Variants in RAPGEF2 observed in about 807,000 individuals in gnomAD.
RAPGEF2 encodes the protein Rap guanine nucleotide exchange factor 2, also known as PDZ domain containing guanine nucleotide exchange factor (GEF) 1.
Under a neutral mutation model 186.7 loss-of-function variants are expected in RAPGEF2, and 54 were observed. That is an observed-to-expected ratio of 0.29 (90% CI 0.23 to 0.36). The LOEUF is 0.36. RAPGEF2 is among the 10% of genes least tolerant of loss of function. RAPGEF2 has a pLI of 1.00. For missense variants in RAPGEF2, 1,532 were observed against 2,045.0 expected (o/e 0.75, Z 4.84); for synonymous variants, 712 against 705.9 (o/e 1.01, Z -0.14).
At chr4:159,339,446 A>G in intron 19 of RAPGEF2, 92 bp downstream of exon 19, 4 of 1,427,606 alleles carry the variant, frequency 2.8e-6, no homozygotes, top group Non-Finnish European at 3.8e-6. Flanking sequence ...GTGTTTTTTA[A>G]ATGAGTAAGT....
At chr4:159,146,056 A>G (rs1313132917) in intron 1 of RAPGEF2, among the ~76,000 whole-genome samples, 1 of 152,128 alleles carries the variant, frequency 6.6e-6, no homozygotes, top group Admixed American at 6.6e-5. Context: ...GCAAAAGATC[A>G]TAGAAGAAAG....
chr4:159,223,835 A>T (rs977558912), intron 4 of RAPGEF2, among the ~76,000 whole-genome samples: 8 of 152,138 alleles, frequency 5.3e-5, no homozygotes, highest in Admixed American at 2.6e-4. Context: ...AATTTTGGGA[A>T]CACAACTAAA....
At chr4:159,355,460 CACAA>C (rs1436220831) in intron 28 of RAPGEF2, among the ~76,000 whole-genome samples, 2 of 152,178 alleles carry the variant, frequency 1.3e-5, no homozygotes, top group African/African-American at 2.4e-5. Context: ...TTGTACCAAG[CACAA>C]ACAGGTTCTA....
chr4:159,328,942 G>C (rs1766301538), intron 11 of RAPGEF2: 1 of 152,018 alleles, frequency 6.6e-6, no homozygotes, highest in African/African-American at 2.4e-5. Context: ...AGCTCTAAAT[G>C]CCCTATGAAA....
intron 1 of RAPGEF2, among the ~76,000 whole-genome samples, chr4:159,164,149 C>T (rs1419320499): frequency 2.6e-5 from 4 of 151,976 alleles, no homozygotes; most frequent in East Asian, 1.9e-4. Context: ...GGACTACAGG[C>T]GCCCACCACC....
intron 7 of RAPGEF2, among the ~76,000 whole-genome samples, chr4:159,296,416 A>G (rs1386810931): frequency 1.3e-5 from 2 of 152,244 alleles, no homozygotes; most frequent in African/African-American, 4.8e-5. Flanking sequence ...TGATCTAAAT[A>G]GCCATTTGAT....
intron 1 of RAPGEF2, among the ~76,000 whole-genome samples, chr4:159,177,692 G>A (rs531109323): frequency 2.6e-5 from 4 of 152,166 alleles, no homozygotes; most frequent in Non-Finnish European, 4.4e-5. Context: ...TAACCATACC[G>A]TATCAATAAA....
chr4:159,108,084 C>T (rs1476629049), intron 1 of RAPGEF2, among the ~76,000 whole-genome samples: 2 of 152,180 alleles, frequency 1.3e-5, no homozygotes, highest in Non-Finnish European at 2.9e-5. Context: ...ATTTGAATTT[C>T]TTGGTACAGA....
intron 1 of RAPGEF2, among the ~76,000 whole-genome samples, chr4:159,150,051 G>A (rs1743368311): frequency 1.3e-5 from 2 of 151,988 alleles, no homozygotes; most frequent in South Asian, 2.1e-4. Flanking sequence ...CCAGTAGAAG[G>A]TTCACCAAGT....
intron 1 of RAPGEF2, among the ~76,000 whole-genome samples, chr4:159,142,627 CAAAG>C (rs1013731137): frequency 2.6e-5 from 4 of 150,976 alleles, no homozygotes; most frequent in South Asian, 2.1e-4. Context: ...ATGTAAATGT[CAAAG>C]AAATAAAAAT....
At chr4:159,216,019 A>G (rs909264597) in intron 4 of RAPGEF2, among the ~76,000 whole-genome samples, 1 of 152,224 alleles carries the variant, frequency 6.6e-6, no homozygotes, top group African/African-American at 2.4e-5. Context: ...CTGAAAATGT[A>G]CTGGCAGTGG....
intron 1 of RAPGEF2, among the ~76,000 whole-genome samples, chr4:159,164,462 C>T (rs556832639): frequency 1.3e-5 from 2 of 152,016 alleles, no homozygotes; most frequent in Non-Finnish European, 2.9e-5. Flanking sequence ...TAATAATAAC[C>T]TGGCTTATTA....
intron 29 of RAPGEF2, among the ~76,000 whole-genome samples, chr4:159,356,539 G>T (rs1732036507): frequency 2.0e-5 from 3 of 152,178 alleles, no homozygotes; most frequent in Admixed American, 2.0e-4. Context: ...TTAAAATACA[G>T]TGTTTATATG....
intron 7 of RAPGEF2, among the ~76,000 whole-genome samples, chr4:159,255,265 GT>G (rs1436315700): frequency 1.3e-5 from 2 of 152,038 alleles, no homozygotes; most frequent in Non-Finnish European, 2.9e-5. Flanking sequence ...GTTATGATGT[GT>G]GGCCATTTTT....
chr4:159,285,524 T>G (rs1199472727), intron 7 of RAPGEF2, among the ~76,000 whole-genome samples: 1 of 152,216 alleles, frequency 6.6e-6, no homozygotes, highest in African/African-American at 2.4e-5. Flanking sequence ...TTTATTAGGT[T>G]TCTATGTTTG....
In RAPGEF2 at chr4:159,251,756, GTCTGTAAAATGGACCAATCAGCTC is replaced by G. The variant is rs1412628180; in HGVS notation, c.543+7988_543+8011del. On this transcript the variant is annotated intron_variant, in intron 7 of 29. Coordinates refer to ENST00000691494, the MANE Select transcript of RAPGEF2 (RefSeq NM_001394067.2). ...CCCTGTCAAAACGGGCCAATCAGCTGTCTGTAAAATGGACCAATCAGCTCTCTGTAAAATGGACCAATCAGCAGG... is the reference window on the plus strand; with the variant it reads ...CCCTGTCAAAACGGGCCAATCAGCTGTCTGTAAAATGGACCAATCAGCAGG... Among the ~76,000 whole-genome samples the G allele has an allele frequency of 3.3e-3, 509 of 152,008 alleles. 3 individuals are homozygous for G. The highest frequency in any genetic ancestry group is 0.011 in the African/African-American group (456 of 41,400).
rs1002141049 is a variant in RAPGEF2 at position 159,342,832 on chromosome 4, C to T, written c.2919-147C>T. 14 of 793,800 alleles carry T rather than the reference C, an allele frequency of 1.8e-5. No homozygotes were observed. The South Asian group carries it at 2.6e-4, about 15-fold the overall frequency. 49.2% of individuals were successfully genotyped at this position (793,800 alleles called of 1,614,324 possible). ...CTACTTCCCTGTGCCATCTCATTCC[C>T]CAGAATTATCATGAACAGTTTCTTA... On this transcript the variant is annotated intron_variant, in intron 20 of 29. Coordinates refer to ENST00000691494, the MANE Select transcript of RAPGEF2 (RefSeq NM_001394067.2).
intron 7 of RAPGEF2, among the ~76,000 whole-genome samples, chr4:159,286,624 C>T (rs1760537677): frequency 6.6e-6 from 1 of 152,160 alleles, no homozygotes; most frequent in African/African-American, 2.4e-5. Context: ...GGACTTTTCT[C>T]CATCTTACCC....
At chr4:159,118,259 C>G (rs555680564) in intron 1 of RAPGEF2, among the ~76,000 whole-genome samples, 1 of 152,256 alleles carries the variant, frequency 6.6e-6, no homozygotes, top group African/African-American at 2.4e-5. Context: ...GAGCACAAAC[C>G]CTATTGTGAA....
Sources: allele counts gnomAD v4.1 joint callset (sites outside exome capture counted in the v4.1 genomes callset), GRCh38; gene constraint gnomAD v4.1.1; transcripts MANE v1.5; gene names NCBI Gene and HGNC (gene_info 2026-07-23, HGNC 2026-07-21).